Variants in PRKCE observed in about 807,000 individuals in gnomAD.
The protein encoded by PRKCE is protein kinase C epsilon type.
In PRKCE, 16 loss-of-function variants were observed where a neutral mutation model predicts 85.4. The ratio of observed to expected loss-of-function variants is 0.19; its 90% CI spans 0.13 to 0.28. The LOEUF (loss-of-function observed/expected upper bound fraction) is 0.28. PRKCE is among the 10% of genes least tolerant of loss of function. PRKCE has a pLI of 1.00. For synonymous variants in PRKCE, 388 were observed against 371.5 expected, an observed-to-expected ratio of 1.04 and a Z score of -0.51; for missense variants, 573 against 975.2, an observed-to-expected ratio of 0.59 and a Z score of 5.49.
At chr2:46,107,844 G>C (rs1303078249) in intron 11 of PRKCE, among the ~76,000 whole-genome samples, 1 of 152,034 alleles carries the variant, frequency 6.6e-6, no homozygotes, top group Non-Finnish European at 1.5e-5. Flanking sequence ...TTTGCCATCT[G>C]TATATCTGTA....
At chr2:45,817,409 T>C (rs1392626946) in intron 1 of PRKCE, among the ~76,000 whole-genome samples, 3 of 152,146 alleles carry the variant, frequency 2.0e-5, no homozygotes, top group Admixed American at 1.3e-4. Flanking sequence ...AAAAAAACTT[T>C]CCGGCTGGGC....
Position 46,025,043 on chromosome 2 carries a change from G to A in PRKCE, c.1437+14526G>A, listed in dbSNP as rs374996496. On this transcript the variant is annotated intron_variant, in intron 10 of 14. Transcript: ENST00000306156. ...AACACACTTCACAAAGTATAGGTAG[G>A]CTCCACTGAAAGAAAGCTCGAAAAT... 5.3e-5 allele frequency among the ~76,000 whole-genome samples: 8 copies of A among 152,216 alleles called. No homozygotes were observed. In the South Asian group the frequency reaches 1.2e-3, roughly 24 times the overall value.
At chr2:46,031,524 T>C (rs1558982708) in intron 10 of PRKCE, among the ~76,000 whole-genome samples, 2 of 152,048 alleles carry the variant, frequency 1.3e-5, no homozygotes, top group South Asian at 2.1e-4. Context: ...ACAAAAGTCT[T>C]ATCTCCCAAA....
chr2:45,724,630 A>T (rs1409161039), intron 1 of PRKCE, among the ~76,000 whole-genome samples: 1 of 152,272 alleles, frequency 6.6e-6, no homozygotes, highest in East Asian at 1.9e-4. Flanking sequence ...GAAGGAAATT[A>T]AAAGTATTGC....
intron 9 of PRKCE, among the ~76,000 whole-genome samples, chr2:46,008,926 A>G (rs1705430415): frequency 6.6e-6 from 1 of 152,330 alleles, no homozygotes; most frequent in Admixed American, 6.5e-5. Flanking sequence ...AGTTTTAAAG[A>G]GTCTGTAAAA....
At chr2:46,086,540 G>A (rs577098333) in intron 11 of PRKCE, among the ~76,000 whole-genome samples, 178 bp downstream of exon 11, 1 of 152,172 alleles carries the variant, frequency 6.6e-6, no homozygotes, top group African/African-American at 2.4e-5. Context: ...GTGAATGTTA[G>A]TATTTGAATG....
intron 2 of PRKCE, among the ~76,000 whole-genome samples, chr2:45,931,763 G>C (rs1278774369): frequency 6.6e-6 from 1 of 152,124 alleles, no homozygotes; most frequent in Non-Finnish European, 1.5e-5. Flanking sequence ...CTGGAGTGCA[G>C]TGGCGCGATT....
intron 10 of PRKCE, among the ~76,000 whole-genome samples, chr2:46,072,566 T>C (rs1331565007): frequency 6.6e-6 from 1 of 152,232 alleles, no homozygotes; most frequent in Non-Finnish European, 1.5e-5. Context: ...GTCGGGACCT[T>C]CAGGTCCTCA....
chr2:45,667,060 C>G (rs1390290022), intron 1 of PRKCE, among the ~76,000 whole-genome samples: 1 of 152,116 alleles, frequency 6.6e-6, no homozygotes, highest in Non-Finnish European at 1.5e-5. Flanking sequence ...CCTGTAATCC[C>G]AGCACTTTGG....
intron 11 of PRKCE, among the ~76,000 whole-genome samples, chr2:46,095,230 TC>T (rs1220039346): frequency 6.6e-6 from 1 of 152,250 alleles, no homozygotes; most frequent in Non-Finnish European, 1.5e-5. Flanking sequence ...TCTAGGCCTT[TC>T]CTCTTGGAGT....
chr2:45,743,223 G>A (rs1914311), intron 1 of PRKCE, among the ~76,000 whole-genome samples: 72,636 of 151,878 alleles, frequency 0.48, 18,387 homozygotes, highest in South Asian at 0.71. Context: ...ATAATAATGT[G>A]TTGTATTCTT....
rs1007713811 is a variant in PRKCE, at chr2:46,155,189, C to T, written c.1920+3960C>T. Among the ~76,000 whole-genome samples the T allele has an allele frequency of 6.6e-6, 1 of 152,148 alleles. No individual in the cohort carries two copies. Among genetic ancestry groups the T allele is most frequent in the Non-Finnish European group, 1.5e-5 (1 of 68,030 alleles). On this transcript the variant is annotated intron_variant, in intron 13 of 14. Transcript: ENST00000306156. The surrounding 1 kb of genome is among the most constrained non-coding windows in gnomAD (Gnocchi z 4.7). ...TGGCTTTCCAAGAGAAGCACGAAAT[C>T]CAGATTTTTATGTAAAAATCTCGAA...
At chr2:46,098,548 A>C (rs1670922286) in intron 11 of PRKCE, among the ~76,000 whole-genome samples, 1 of 152,208 alleles carries the variant, frequency 6.6e-6, no homozygotes, top group African/African-American at 2.4e-5. Context: ...TGATGAAAAC[A>C]CTTTGTCTAG....
intron 2 of PRKCE, among the ~76,000 whole-genome samples, chr2:45,922,652 C>T (rs909416334): frequency 2.0e-5 from 3 of 152,214 alleles, no homozygotes; most frequent in African/African-American, 7.2e-5. Flanking sequence ...GCCTGGGGTG[C>T]CGTCAGCTCA....
chr2:45,852,597 C>A (rs1046962486), intron 2 of PRKCE, among the ~76,000 whole-genome samples: 6 of 152,136 alleles, frequency 3.9e-5, no homozygotes, highest in African/African-American at 1.2e-4. Context: ...CTACTTGGGT[C>A]CCACTGGCCT....
intron 2 of PRKCE, among the ~76,000 whole-genome samples, chr2:45,960,955 C>A (rs1276800808): frequency 6.6e-6 from 1 of 152,188 alleles, no homozygotes; most frequent in Non-Finnish European, 1.5e-5. Context: ...CTTTCTGTTT[C>A]AACAGGGTTG....
intron 1 of PRKCE, among the ~76,000 whole-genome samples, chr2:45,751,714 A>G (rs1683573351): frequency 6.6e-6 from 1 of 152,162 alleles, no homozygotes; most frequent in Non-Finnish European, 1.5e-5. Context: ...AACATTTTTC[A>G]AAACACATTT....
At chr2:45,748,270 G>C (rs1043214340) in intron 1 of PRKCE, among the ~76,000 whole-genome samples, 1 of 152,216 alleles carries the variant, frequency 6.6e-6, no homozygotes, top group Admixed American at 6.5e-5. Flanking sequence ...CATTTTGCAG[G>C]TGAGGAAATT....
At chr2:45,718,550 G>T (rs1452335462) in intron 1 of PRKCE, among the ~76,000 whole-genome samples, 2 of 151,862 alleles carry the variant, frequency 1.3e-5, no homozygotes, top group Non-Finnish European at 2.9e-5. Context: ...CACCATGTTG[G>T]CCAGGATGGT....
Sources: gnomAD v4.1 joint callset for allele counts (sites outside exome capture counted in the v4.1 genomes callset) on GRCh38, gnomAD v4.1.1 for gene constraint, Gnocchi (gnomAD v3.1) non-coding constraint, MANE v1.5 for transcripts, NCBI Gene and HGNC (gene_info 2026-07-23, HGNC 2026-07-21) for gene names.